The following FAM53A variants were observed in gnomAD, a reference collection of about 807,000 sequenced individuals.
The protein encoded by FAM53A is family with sequence similarity 53 member A, also known as protein FAM53A.
A neutral mutation model predicts 26.6 loss-of-function variants in FAM53A; 28 were observed. The ratio of observed to expected loss-of-function variants is 1.05; its 90% CI spans 0.78 to 1.45. FAM53A has a LOEUF of 1.45. Among genes scored for constraint, FAM53A ranks in the 40% most tolerant of loss-of-function variants. The pLI, the probability that FAM53A is intolerant of heterozygous loss-of-function variation, is 0.00. For missense variants in FAM53A, 650 were observed against 575.8 expected (o/e 1.13, Z -1.32); for synonymous variants, 290 against 253.1 (o/e 1.15, Z -1.38).
At position 1,630,416 on chromosome 4, in the gene FAM53A, T is replaced by G. The variant is rs1407172952; in HGVS notation, c.432-12305A>C. On this transcript the variant is annotated intron_variant, in intron 1 of 1. Coordinates refer to the FAM53A transcript ENST00000489029. The surrounding 1 kb of genome is among the most constrained non-coding windows in gnomAD (Gnocchi z 4.3). ...ACGTCGGGGAGTTCCCATCAAACTC[T>G]ACGGAAACAGGCCGCGTCTGTATGT... Among the ~76,000 whole-genome samples the G allele has an allele frequency of 6.6e-6, 1 of 152,226 alleles. No homozygotes were observed. The highest frequency in any genetic ancestry group is 2.4e-5 in the African/African-American group (1 of 41,454).
At chr4:1,607,995 C>T in the FAM53A span, among the ~76,000 whole-genome samples, 312 of 152,156 alleles carry the variant, frequency 2.1e-3, no homozygotes, top group Non-Finnish European at 3.6e-3. Flanking sequence ...GCCTGTAATC[C>T]CAGCTACTCA....
chr4:1,684,066 G>A (rs1260537827), intron 1 of FAM53A, 167 bp downstream of exon 1: 3 of 152,132 alleles, frequency 2.0e-5, no homozygotes, highest in African/African-American at 7.2e-5. Context: ...GACGGCGGAG[G>A]CAGGGGGACG....
At chr4:1,682,555 C>T (rs548547231) in intron 1 of FAM53A, among the ~76,000 whole-genome samples, 2 of 152,206 alleles carry the variant, frequency 1.3e-5, no homozygotes, top group Non-Finnish European at 2.9e-5. Flanking sequence ...GCCACCGCGC[C>T]TAGCCTTAAT....
chr4:1,645,205 G>A (rs879510615), intron 4 of FAM53A, among the ~76,000 whole-genome samples: 1 of 137,390 alleles, frequency 7.3e-6, no homozygotes, highest in Non-Finnish European at 1.7e-5. Flanking sequence ...GGGAGGCACA[G>A]GCCGGCCAAG....
At chr4:1,639,590 G>A (rs1255336116), downstream of FAM53A, among the ~76,000 whole-genome samples, 3 of 152,182 alleles carry the variant, frequency 2.0e-5, no homozygotes, top group African/African-American at 7.2e-5. Context: ...CCCCAACGGA[G>A]GAGGGCAGAG....
intron 2 of FAM53A, among the ~76,000 whole-genome samples, chr4:1,661,385 G>A (rs867076229): frequency 1.3e-5 from 2 of 152,130 alleles, no homozygotes; most frequent in South Asian, 2.1e-4. Context: ...ATGCACTATC[G>A]CGACTCCTCA....
Position 1,655,674 on chromosome 4 carries a change from C to T in FAM53A, c.186G>A (p.Gln62=). Residue 62 remains glutamine (Q), a synonymous_variant, in exon 4 of 5, where the codon CAG becomes CAA. Coordinates refer to ENST00000308132, the MANE Select transcript of FAM53A (RefSeq NM_001174070.3). ...AGGAGAAATCAGGGCCCGTGGCTGCCTGGCTTCTGACGGGCGGTCCTCCAC... is the reference window on the plus strand; with the variant it reads ...AGGAGAAATCAGGGCCCGTGGCTGCTTGGCTTCTGACGGGCGGTCCTCCAC... ...VFSGGPPVRS[Q]AATGPDFSFL... is the part of the protein sequence containing the mutation. 1 of 1,595,448 alleles carries T rather than the reference C, an allele frequency of 6.3e-7. No individual in the cohort carries two copies. The highest frequency in any genetic ancestry group is 1.1e-5 in the South Asian group (1 of 89,378).
At chr4:1,619,526 C>T (rs1035351416) in intron 1 of FAM53A, among the ~76,000 whole-genome samples, 3 of 152,220 alleles carry the variant, frequency 2.0e-5, no homozygotes, top group Non-Finnish European at 4.4e-5. Flanking sequence ...GGGCACTTTC[C>T]TCCAAGCCGC....
In FAM53A at chr4:1,641,200, G is replaced by C. The variant is rs1194795612; in HGVS notation, c.*93C>G. 2.4e-6 allele frequency: 2 copies of C among 822,988 alleles called. No homozygotes were observed. The highest frequency in any genetic ancestry group is 3.4e-5 in the Admixed American group (1 of 29,828). 51.0% of individuals were successfully genotyped at this position (822,988 alleles called of 1,614,324 possible). A position where few individuals can be genotyped will look rare whatever the true frequency, so the allele number is the denominator to read the frequency against. Reference sequence around the variant, plus strand: ...TACTCTGTGCCCCAGGGCAGGTGCCGGGCCGTGGCCCCGACCAGCTCACAG... The same window carrying C: ...TACTCTGTGCCCCAGGGCAGGTGCCCGGCCGTGGCCCCGACCAGCTCACAG... On this transcript the variant is annotated 3_prime_UTR_variant, in exon 5 of 5. Transcript: ENST00000308132.
the FAM53A span, among the ~76,000 whole-genome samples, chr4:1,594,599 T>G: frequency 1.1e-4 from 17 of 152,190 alleles, no homozygotes; most frequent in African/African-American, 3.9e-4. Flanking sequence ...TCCCAGCACT[T>G]TGGGAGACCA....
At chr4:1,606,831 CCT>C in the FAM53A span, among the ~76,000 whole-genome samples, 1 of 152,226 alleles carries the variant, frequency 6.6e-6, no homozygotes, top group African/African-American at 2.4e-5. Context: ...TGTCCCAGCC[CCT>C]GCTTTCCACT....
chr4:1,683,174 G>C (rs774783086), intron 1 of FAM53A, among the ~76,000 whole-genome samples: 2 of 152,204 alleles, frequency 1.3e-5, no homozygotes, highest in Non-Finnish European at 2.9e-5. Context: ...CCAATTTAAA[G>C]AAAAGTCACT....
chr4:1,602,509 G>A, the FAM53A span, among the ~76,000 whole-genome samples: 8 of 152,348 alleles, frequency 5.3e-5, no homozygotes, highest in East Asian at 1.9e-4. Context: ...CAGGTGACCC[G>A]AGAGATATCT....
At chr4:1,613,484 T>C (rs1239405776), downstream of FAM53A, among the ~76,000 whole-genome samples, 1 of 152,182 alleles carries the variant, frequency 6.6e-6, no homozygotes, top group African/African-American at 2.4e-5. Context: ...TGTTTGAACA[T>C]GAATGTTGGA....
chr4:1,622,184 ACAG>A (rs1242032138), intron 1 of FAM53A, among the ~76,000 whole-genome samples: 1 of 152,196 alleles, frequency 6.6e-6, no homozygotes, highest in Non-Finnish European at 1.5e-5. Context: ...CGGTGCCGTT[ACAG>A]CAGCAGCACG....
At chr4:1,683,860 G>C (rs1456124247) in intron 1 of FAM53A, 1 of 152,236 alleles carries the variant, frequency 6.6e-6, no homozygotes, top group Non-Finnish European at 1.5e-5. Context: ...CAGAAAAAGC[G>C]GCTTCGGAAT....
chr4:1,604,738 T>C, the FAM53A span, among the ~76,000 whole-genome samples: 1 of 151,750 alleles, frequency 6.6e-6, no homozygotes, highest in Non-Finnish European at 1.5e-5. Context: ...TCCCGCCTCC[T>C]CCTGCTTCCC....
intron 4 of FAM53A, among the ~76,000 whole-genome samples, chr4:1,642,920 G>A (rs907605407): frequency 6.6e-5 from 10 of 152,210 alleles, no homozygotes; most frequent in Non-Finnish European, 1.2e-4. Context: ...GCACAGGGGC[G>A]CCATGATGCC....
the FAM53A span, among the ~76,000 whole-genome samples, chr4:1,604,685 A>C: frequency 6.6e-6 from 1 of 152,008 alleles, no homozygotes; most frequent in South Asian, 2.1e-4. Flanking sequence ...GGACACGGCC[A>C]TCCTCTGGGG....
Sources: gnomAD v4.1 joint callset for allele counts (sites outside exome capture counted in the v4.1 genomes callset) on GRCh38, gnomAD v4.1.1 for gene constraint, Gnocchi (gnomAD v3.1) non-coding constraint, MANE v1.5 for transcripts, NCBI Gene and HGNC (gene_info 2026-07-23, HGNC 2026-07-21) for gene names.